FAM222A: variants seen among roughly 807,000 people sequenced by gnomAD.
FAM222A encodes family with sequence similarity 222 member A.
In FAM222A, 7 loss-of-function variants were observed where a neutral mutation model predicts 25.8. That is an observed-to-expected ratio of 0.27 (90% CI 0.15 to 0.51). FAM222A has a LOEUF of 0.51. Among genes scored for constraint, FAM222A ranks in the 20% least tolerant of loss-of-function variants. The probability of loss-of-function intolerance (pLI) is 0.97; values close to 1 mark genes in which losing one functional copy is unlikely to be tolerated. For missense variants in FAM222A, 573 were observed against 640.5 expected, an observed-to-expected ratio of 0.89 and a Z score of 1.14; for synonymous variants, 294 against 298.8, an observed-to-expected ratio of 0.98 and a Z score of 0.17.
intron 2 of FAM222A, among the ~76,000 whole-genome samples, chr12:109,756,992 T>G (rs1298356623): frequency 6.6e-6 from 1 of 152,240 alleles, no homozygotes; most frequent in African/African-American, 2.4e-5. Flanking sequence ...GGTAGTGTTT[T>G]GATTGCTAAT....
chr12:109,732,058 CAGTA>C (rs761509068), intron 1 of FAM222A, among the ~76,000 whole-genome samples: 2 of 152,162 alleles, frequency 1.3e-5, no homozygotes, highest in African/African-American at 2.4e-5. Flanking sequence ...AGTCACATCA[CAGTA>C]AGAGGACGTT....
rs367588175 is a variant in FAM222A, at chr12:109,723,007, G to T, written c.-47+8110G>T. Among the ~76,000 whole-genome samples the T allele has an allele frequency of 0.019, 2,911 of 151,036 alleles. 163 individuals are homozygous for T. The East Asian group carries it at 0.26, about 14-fold the overall frequency. ...CCCAGCTTGGAGGGAGCGGGTGGGG[G>T]GGGGAGGGGGTATCAGGGCCTTATT... On this transcript the variant is annotated intron_variant, in intron 1 of 2. Transcript: ENST00000538780.
chr12:109,723,892 T>C (rs1887795260), intron 1 of FAM222A, among the ~76,000 whole-genome samples: 1 of 152,188 alleles, frequency 6.6e-6, no homozygotes, highest in Admixed American at 6.5e-5. Context: ...GCAAACAGTT[T>C]TTACGGATCA....
intron 2 of FAM222A, among the ~76,000 whole-genome samples, chr12:109,767,344 G>A (rs1310962631): frequency 1.3e-5 from 2 of 152,042 alleles, no homozygotes; most frequent in African/African-American, 2.4e-5. Context: ...CCTGGCCAAC[G>A]TGGCGCAACC....
intron 2 of FAM222A, among the ~76,000 whole-genome samples, chr12:109,755,113 T>G (rs924665930): frequency 1.3e-5 from 2 of 152,190 alleles, no homozygotes; most frequent in Non-Finnish European, 2.9e-5. Flanking sequence ...CTTTGTGGTA[T>G]CCTTTGAAGC....
intron 2 of FAM222A, among the ~76,000 whole-genome samples, chr12:109,753,452 G>GTGAC (rs1888616774): frequency 6.6e-6 from 1 of 152,124 alleles, no homozygotes; most frequent in African/African-American, 2.4e-5. Flanking sequence ...GGACAAGTTA[G>GTGAC]TGACTGTGCC....
In FAM222A at chr12:109,769,104, C is replaced by A. The variant is rs1314195413; in HGVS notation, c.1175C>A (p.Pro392His). 6.2e-7 allele frequency: 1 copy of A among 1,610,192 alleles called. No homozygotes were observed. The highest frequency in any genetic ancestry group is 8.5e-7 in the Non-Finnish European group (1 of 1,178,876). ...CCTGCAGATGCCCTCTCGGGCCTGC[C>A]CAGCAAGAGTGTGTGCAACACATCG... ...GPPADALSGL[P>H]SKSVCNTSVL... Residue 392 changes from proline (P) to histidine (H), a missense_variant, in exon 3 of 3, where the codon CCC becomes CAC. Around this residue, in one of 3 missense-constraint regions of FAM222A, gnomAD observed 412 missense variants for 407.0 expected, o/e 1.01. Coordinates refer to ENST00000538780, the MANE Select transcript of FAM222A (RefSeq NM_032829.3).
rs1037055365 is a variant in FAM222A, at chr12:109,714,227, C to T, written c.-717C>T. On this transcript the variant is annotated 5_prime_UTR_variant, in exon 1 of 3. Transcript: ENST00000538780. This position sits in a 1 kb window ranked among gnomAD's most constrained non-coding sequence, Gnocchi z 4.2. ...GCCGCCGCCGCCGCCGCTGCCGCCG[C>T]CGCTGTTCGCCGGCTTCCCCTCCCC... 13 of 208,486 alleles carry T rather than the reference C, an allele frequency of 6.2e-5. No homozygotes were observed. The highest frequency in any genetic ancestry group is 1.2e-4 in the Non-Finnish European group (12 of 103,264). The allele number at this position is 208,486 out of a possible 1,614,324, so 12.9% of individuals were successfully genotyped here.
In FAM222A at chr12:109,768,712, G is replaced by A. The variant is rs1889143273; in HGVS notation, c.783G>A (p.Gln261=). The change falls in exon 3 of 3, where the codon CAG becomes CAA. Residue 261 remains glutamine (Q), a synonymous_variant. Transcript: ENST00000538780. ...PDCRKGTELG[Q]GATQALTLAG... The stretch of plus-strand genomic sequence containing the variant: ...GCCGGAAAGGCACTGAGCTGGGCCA[G>A]GGAGCCACCCAAGCCTTGACGTTGG... 2 of 1,581,822 alleles carry A rather than the reference G, an allele frequency of 1.3e-6. No homozygotes were observed. Among genetic ancestry groups the A allele is most frequent in the Non-Finnish European group, 1.7e-6 (2 of 1,169,554 alleles).
chr12:109,765,320 G>GT lies in FAM222A; in HGVS notation c.83-2691dup, dbSNP rs1889013333. Among the ~76,000 whole-genome samples, 5 of 152,302 alleles carry GT rather than the reference G, an allele frequency of 3.3e-5. No homozygotes were observed. The South Asian group carries it at 1.0e-3, about 32-fold the overall frequency. ...GCCAGTAGCACCTCTACCCCTAGCTGTGACAGCCAATCATGTCTCTACACA... is the reference window on the plus strand; with the variant it reads ...GCCAGTAGCACCTCTACCCCTAGCTGTTGACAGCCAATCATGTCTCTACACA... On this transcript the variant is annotated intron_variant, in intron 2 of 2. Transcript: ENST00000538780.
Position 109,713,857 on chromosome 12 carries a change from G to C in FAM222A, c.-1087G>C, listed in dbSNP as rs866684837. 3.3e-5 allele frequency among the ~76,000 whole-genome samples: 5 copies of C among 149,984 alleles called. No homozygotes were observed. The East Asian group carries it at 7.8e-4, about 24-fold the overall frequency. Reference sequence around the variant, plus strand: ...CCAGAGCGGAGCAGCGGGCAGGACTGCCTGGCCGGCTGCTCCGCGGAGAGG... The same window carrying C: ...CCAGAGCGGAGCAGCGGGCAGGACTCCCTGGCCGGCTGCTCCGCGGAGAGG... On this transcript the variant is annotated 5_prime_UTR_variant, in exon 1 of 3. Transcript: ENST00000538780.
Position 109,769,661 on chromosome 12 carries a change from A to G in FAM222A, c.*373A>G. 1 of 244,308 alleles carries G rather than the reference A, an allele frequency of 4.1e-6. No individual in the cohort carries two copies. The highest frequency in any genetic ancestry group is 7.9e-6 in the Non-Finnish European group (1 of 126,762). 15.1% of individuals were successfully genotyped at this position (244,308 alleles called of 1,614,324 possible). ...GCCAAGGTGGGGTGCAGGAGGAAAC[A>G]GGCGCACCAGAGTCAGGGTGGGGGC... On this transcript the variant is annotated 3_prime_UTR_variant, in exon 3 of 3. Transcript: ENST00000538780.
chr12:109,729,971 G>A (rs373357020), intron 1 of FAM222A, among the ~76,000 whole-genome samples: 22 of 152,340 alleles, frequency 1.4e-4, no homozygotes, highest in East Asian at 5.8e-4. Context: ...GGAGCCAGCT[G>A]GGGCTTGAAC....
At chr12:109,742,608 G>A (rs866181376) in intron 1 of FAM222A, among the ~76,000 whole-genome samples, 6 of 95,466 alleles carry the variant, frequency 6.3e-5, no homozygotes, top group Admixed American at 2.7e-4. Flanking sequence ...TCTCTCTCTC[G>A]CTCTTTTTTT....
At chr12:109,743,940 C>G (rs1050978016) in intron 1 of FAM222A, 161 bp from the exon 2 acceptor site, 1 of 985,314 alleles carries the variant, frequency 1.0e-6, no homozygotes, top group African/African-American at 1.7e-5. Context: ...CTCTTGATGC[C>G]TCAGGCCTTG....
chr12:109,761,626 T>A (rs1888899894), intron 2 of FAM222A, among the ~76,000 whole-genome samples: 1 of 152,158 alleles, frequency 6.6e-6, no homozygotes, highest in South Asian at 2.1e-4. Context: ...GGGAGCCGCC[T>A]CTTTCCATGT....
At chr12:109,718,558 C>G (rs1008267011) in intron 1 of FAM222A, among the ~76,000 whole-genome samples, 2 of 152,218 alleles carry the variant, frequency 1.3e-5, no homozygotes, top group Admixed American at 1.3e-4. Context: ...TCCCGCGGGC[C>G]GGGAATTGCT....
intron 2 of FAM222A, 176 bp downstream of exon 2, chr12:109,744,404 C>G (rs1888334753): frequency 2.0e-6 from 2 of 985,336 alleles, no homozygotes; most frequent in Admixed American, 6.1e-5. Flanking sequence ...AAATGACACC[C>G]ACTCCTTTGG....
chr12:109,729,959 G>T (rs1385079608), intron 1 of FAM222A, among the ~76,000 whole-genome samples: 1 of 152,222 alleles, frequency 6.6e-6, no homozygotes, highest in South Asian at 2.1e-4. Context: ...CTAGCACGTA[G>T]GGGAGCCAGC....
Sources: allele counts gnomAD v4.1 joint callset (sites outside exome capture counted in the v4.1 genomes callset), GRCh38; gene constraint gnomAD v4.1.1; regional missense constraint gnomAD v4.1.1; non-coding constraint Gnocchi (gnomAD v3.1); transcripts MANE v1.5; gene names NCBI Gene and HGNC (gene_info 2026-07-23, HGNC 2026-07-21).